The following SGCZ variants were observed in gnomAD, a reference collection of about 807,000 sequenced individuals.
SGCZ encodes the protein zeta-sarcoglycan.
SGCZ carries 40 observed loss-of-function variants against 41.3 expected under a neutral mutation model. The observed-to-expected ratio is 0.97, with a 90% CI of 0.75 to 1.26. The LOEUF (loss-of-function observed/expected upper bound fraction) is 1.26, where lower values mean the gene tolerates loss of function less well. Ranked by LOEUF, SGCZ falls within the 50% of genes most tolerant of loss-of-function variation. The pLI is 0.00. For synonymous variants in SGCZ, 206 were observed against 137.5 expected, an observed-to-expected ratio of 1.50 and a Z score of -3.49; for missense variants, 552 against 369.8, an observed-to-expected ratio of 1.49 and a Z score of -4.04.
chr8:14,821,966 C>A (rs975491132), intron 1 of SGCZ, among the ~76,000 whole-genome samples: 42 of 151,882 alleles, frequency 2.8e-4, no homozygotes, highest in African/African-American at 9.7e-4. Context: ...CTAGCCAGGA[C>A]AATTAGGCAA....
intron 1 of SGCZ, among the ~76,000 whole-genome samples, chr8:15,137,555 CCT>C (rs1257031724): frequency 6.6e-6 from 1 of 152,120 alleles, no homozygotes; most frequent in African/African-American, 2.4e-5. Flanking sequence ...CTGTGTGCAG[CCT>C]AGGGACTTCA....
At chr8:14,555,875 T>C (rs1416225066) in intron 1 of SGCZ, among the ~76,000 whole-genome samples, 1 of 152,104 alleles carries the variant, frequency 6.6e-6, no homozygotes, top group African/African-American at 2.4e-5. Context: ...TTCAGAATTA[T>C]GTTGGTTATT....
chr8:14,348,331 G>A (rs1802963285), intron 2 of SGCZ, among the ~76,000 whole-genome samples: 1 of 152,060 alleles, frequency 6.6e-6, no homozygotes, highest in African/African-American at 2.4e-5. Context: ...CTGGCATTTG[G>A]AATAAAAGTT....
intron 6 of SGCZ, 96 bp downstream of exon 6, chr8:14,108,067 G>GTATATTTT: frequency 4.5e-6 from 4 of 888,506 alleles, no homozygotes; most frequent in Non-Finnish European, 4.9e-6. Flanking sequence ...TATATTGGGA[G>GTATATTTT]AAACATTTGT....
intron 1 of SGCZ, among the ~76,000 whole-genome samples, chr8:14,577,680 G>A (rs1186827624): frequency 6.6e-6 from 1 of 152,058 alleles, no homozygotes; most frequent in African/African-American, 2.4e-5. Context: ...GAGCCACGGC[G>A]CCTGGCCCCA....
chr8:14,657,661 C>T (rs773027336), intron 1 of SGCZ, among the ~76,000 whole-genome samples: 1 of 151,386 alleles, frequency 6.6e-6, no homozygotes, highest in Admixed American at 6.6e-5. Flanking sequence ...AAAACAAAAC[C>T]AGAAAGAGAA....
chr8:14,353,006 G>C (rs944966529), intron 2 of SGCZ, among the ~76,000 whole-genome samples: 3 of 151,760 alleles, frequency 2.0e-5, no homozygotes, highest in Non-Finnish European at 2.9e-5. Flanking sequence ...AACATTTCTG[G>C]ACAACTTTCT....
At chr8:14,364,449 C>T (rs1168779198) in intron 2 of SGCZ, among the ~76,000 whole-genome samples, 2 of 152,120 alleles carry the variant, frequency 1.3e-5, no homozygotes, top group African/African-American at 4.8e-5. Context: ...TGCAAGACAG[C>T]ACTGCCTGCT....
chr8:14,660,013 A>T (rs1321210532), intron 1 of SGCZ, among the ~76,000 whole-genome samples: 2 of 152,156 alleles, frequency 1.3e-5, no homozygotes, highest in Non-Finnish European at 2.9e-5. Flanking sequence ...ACCTGAGGCT[A>T]CCAGGAGCTA....
In SGCZ at chr8:14,715,292, T is replaced by G. The variant is rs559717279; in HGVS notation, c.40-160366A>C. ...CTCCTAATAGAGTATGCCAAAAAAA[T>G]TGGGGAGGAAAAAACTGAACATATT... is the stretch of plus-strand genomic sequence containing the variant. On this transcript the variant is annotated intron_variant, in intron 1 of 7. Coordinates refer to ENST00000382080, the MANE Select transcript of SGCZ (RefSeq NM_139167.4). 9.6e-3 allele frequency among the ~76,000 whole-genome samples: 1,456 copies of G among 151,918 alleles called. 17 individuals are homozygous for G. Among genetic ancestry groups the G allele is most frequent in the Middle Eastern group, 0.031 (9 of 294 alleles).
intron 1 of SGCZ, among the ~76,000 whole-genome samples, chr8:15,176,472 T>C (rs1306887211): frequency 6.6e-6 from 1 of 152,206 alleles, no homozygotes; most frequent in Non-Finnish European, 1.5e-5. Context: ...AGCATAATAC[T>C]GTATGTGAAT....
chr8:15,042,780 A>T (rs1804154083), intron 1 of SGCZ, among the ~76,000 whole-genome samples: 1 of 152,204 alleles, frequency 6.6e-6, no homozygotes, highest in Non-Finnish European at 1.5e-5. Flanking sequence ...TTAGTATTAC[A>T]GCACTTCCTC....
intron 2 of SGCZ, among the ~76,000 whole-genome samples, chr8:14,368,714 C>G (rs7821664): frequency 0.18 from 27,622 of 151,472 alleles, 3,159 homozygotes; most frequent in Non-Finnish European, 0.27. Flanking sequence ...CATCCTAAGT[C>G]TGCAGATCCT....
chr8:14,846,159 G>GA (rs973891239), intron 1 of SGCZ, among the ~76,000 whole-genome samples: 1 of 152,054 alleles, frequency 6.6e-6, no homozygotes, highest in Non-Finnish European at 1.5e-5. Flanking sequence ...TAACAGACCA[G>GA]AAAAAAATAC....
chr8:14,931,524 A>G, intron 1 of SGCZ, among the ~76,000 whole-genome samples: 1 of 152,032 alleles, frequency 6.6e-6, no homozygotes, highest in South Asian at 2.1e-4. Context: ...TAACAAAATG[A>G]CATGCAGCAT....
intron 2 of SGCZ, among the ~76,000 whole-genome samples, chr8:14,511,217 G>C (rs1324341430): frequency 1.3e-4 from 1 of 7,876 alleles, no homozygotes; most frequent in African/African-American, 4.9e-4. Context: ...TTTCTGTCTT[G>C]GCAGTCCCTG....
At chr8:14,404,554 T>A (rs554950663) in intron 2 of SGCZ, among the ~76,000 whole-genome samples, 1 of 152,314 alleles carries the variant, frequency 6.6e-6, no homozygotes, top group Non-Finnish European at 1.5e-5. Flanking sequence ...TCATTTCAAA[T>A]TAGATGTTGC....
intron 1 of SGCZ, among the ~76,000 whole-genome samples, chr8:14,766,212 G>A (rs111454457): frequency 6.6e-5 from 10 of 151,984 alleles, no homozygotes; most frequent in South Asian, 2.1e-4. Context: ...CGCCCGCCTC[G>A]ACTTCCCAAA....
chr8:14,718,385 A>AG (rs1809765572), intron 1 of SGCZ, among the ~76,000 whole-genome samples: 1 of 152,130 alleles, frequency 6.6e-6, no homozygotes, highest in Admixed American at 6.6e-5. Flanking sequence ...CACTAAAAAA[A>AG]AGAGAGAAAC....
Sources: allele counts gnomAD v4.1 joint callset (sites outside exome capture counted in the v4.1 genomes callset), GRCh38; gene constraint gnomAD v4.1.1; transcripts MANE v1.5; gene names NCBI Gene and HGNC (gene_info 2026-07-23, HGNC 2026-07-21).